PSD3: variants seen among roughly 807,000 people sequenced by gnomAD.
The protein encoded by PSD3 is PH and SEC7 domain-containing protein 3.
A neutral mutation model predicts 105.5 loss-of-function variants in PSD3; 49 were observed. The ratio of observed to expected loss-of-function variants is 0.46; its 90% CI spans 0.37 to 0.59. The LOEUF (loss-of-function observed/expected upper bound fraction) is 0.59, where lower values mean the gene tolerates loss of function less well. Ranked by LOEUF, PSD3 falls within the 20% of genes least tolerant of loss-of-function variation. The pLI, the probability that PSD3 is intolerant of heterozygous loss-of-function variation, is 0.00. For synonymous variants in PSD3, 557 were observed against 457.8 expected (o/e 1.22, Z -2.77); for missense variants, 1,561 against 1,263.8 (o/e 1.24, Z -3.57).
chr8:18,573,022 A>G (rs1802236846), intron 13 of PSD3, among the ~76,000 whole-genome samples: 1 of 152,220 alleles, frequency 6.6e-6, no homozygotes, highest in Non-Finnish European at 1.5e-5. Flanking sequence ...GTACTGTTTA[A>G]TTTTAAAATC....
At position 18,842,500 on chromosome 8, in the gene PSD3, G is replaced by A. The variant is rs541498349; in HGVS notation, c.1634+25174C>T. On this transcript the variant is annotated intron_variant, in intron 4 of 15. Transcript: ENST00000327040. ...TGTAATCCCAGCACTCGGGGAGTCC[G>A]AGGCGGGCGGATCACAAGGTCAGGA... Among the ~76,000 whole-genome samples the A allele has an allele frequency of 9.3e-4, 141 of 152,306 alleles. 1 individual carries two copies. Among genetic ancestry groups the A allele is most frequent in the Non-Finnish European group, 1.5e-3 (103 of 68,024 alleles).
chr8:18,964,270 C>A (rs1396167954), intron 1 of PSD3, among the ~76,000 whole-genome samples: 2 of 152,132 alleles, frequency 1.3e-5, no homozygotes, highest in African/African-American at 4.8e-5. Context: ...ACTACATGTG[C>A]CACCATGCCT....
At chr8:18,574,797 C>T (rs1002948572) in intron 13 of PSD3, among the ~76,000 whole-genome samples, 15 of 152,094 alleles carry the variant, frequency 9.9e-5, no homozygotes, top group Non-Finnish European at 2.1e-4. Context: ...GCTAGAGAAA[C>T]AGTGTTATCT....
upstream of PSD3, among the ~76,000 whole-genome samples, chr8:19,016,622 T>C (rs924734073): frequency 4.6e-5 from 7 of 152,218 alleles, no homozygotes. Flanking sequence ...GTAATAAACT[T>C]CCTAAAACAC....
chr8:18,548,735 T>C lies in PSD3; in HGVS notation c.2928+7474A>G, dbSNP rs533957181. Among the ~76,000 whole-genome samples the C allele has an allele frequency of 2.6e-5, 4 of 152,218 alleles. No individual in the cohort carries two copies. The South Asian group carries it at 6.2e-4, about 24-fold the overall frequency. On this transcript the variant is annotated intron_variant, in intron 15 of 15. Transcript: ENST00000327040. ...GTTTGCACTTGCTATCTGCAGTGCA[T>C]GCATTGGGAGCTGGCTTGGGGTGGG...
chr8:19,035,283 C>A (rs180706864), intron 1 of PSD3, among the ~76,000 whole-genome samples: 64 of 152,258 alleles, frequency 4.2e-4, no homozygotes, highest in African/African-American at 1.4e-3. Context: ...TTGATGGATA[C>A]AACCATTTCT....
chr8:18,848,888 G>A (rs1376383535), intron 4 of PSD3, among the ~76,000 whole-genome samples: 1 of 152,164 alleles, frequency 6.6e-6, no homozygotes, highest in Non-Finnish European at 1.5e-5. Flanking sequence ...ATACTTCTTG[G>A]TTCCCTCATG....
At chr8:18,927,827 T>C (rs969452661) in intron 2 of PSD3, among the ~76,000 whole-genome samples, 1 of 152,048 alleles carries the variant, frequency 6.6e-6, no homozygotes, top group African/African-American at 2.4e-5. Context: ...TTTTAGGAGG[T>C]GTATGCCAGG....
chr8:18,589,056 C>T (rs956339640), intron 12 of PSD3, among the ~76,000 whole-genome samples: 8 of 152,120 alleles, frequency 5.3e-5, no homozygotes, highest in African/African-American at 9.7e-5. Context: ...GGGGAAATGG[C>T]TGTGATATGT....
At chr8:19,073,072 T>C (rs1192345810) in intron 1 of PSD3, among the ~76,000 whole-genome samples, 2 of 152,240 alleles carry the variant, frequency 1.3e-5, no homozygotes, top group Non-Finnish European at 2.9e-5. Flanking sequence ...TTGATTTTTA[T>C]ACCTGCTATA....
chr8:18,585,801 C>T (rs1803135356), intron 12 of PSD3, among the ~76,000 whole-genome samples: 1 of 152,122 alleles, frequency 6.6e-6, no homozygotes, highest in Non-Finnish European at 1.5e-5. Context: ...ATCATTTCCC[C>T]TCATTTTACA....
intron 14 of PSD3, chr8:18,557,437 G>A (rs1426422667): frequency 6.5e-6 from 1 of 153,698 alleles, no homozygotes; most frequent in Non-Finnish European, 1.5e-5. Context: ...AACGTGTCCA[G>A]AAATTATGAG....
intron 1 of PSD3, among the ~76,000 whole-genome samples, chr8:19,025,936 A>G (rs1055018164): frequency 6.6e-6 from 1 of 152,216 alleles, no homozygotes; most frequent in Non-Finnish European, 1.5e-5. Flanking sequence ...TATAAAGGAA[A>G]GAGGTTTAAT....
chr8:18,808,601 T>G (rs774365646), intron 4 of PSD3, among the ~76,000 whole-genome samples: 2 of 152,184 alleles, frequency 1.3e-5, no homozygotes, highest in Non-Finnish European at 2.9e-5. Flanking sequence ...CAAAAAGGTT[T>G]CAGTAAAAGG....
At chr8:18,602,949 C>T (rs907506381) in intron 11 of PSD3, among the ~76,000 whole-genome samples, 4 of 152,042 alleles carry the variant, frequency 2.6e-5, no homozygotes, top group Admixed American at 6.6e-5. Context: ...CACAGAGGTC[C>T]GTAAAGAGTT....
intron 9 of PSD3, among the ~76,000 whole-genome samples, chr8:18,732,596 C>T (rs1243828058): frequency 3.9e-5 from 6 of 152,216 alleles, no homozygotes; most frequent in Non-Finnish European, 8.8e-5. Flanking sequence ...CTACACATGG[C>T]TTCTCCCTCC....
chr8:19,002,896 A>G (rs1489364513), intron 1 of PSD3, among the ~76,000 whole-genome samples: 2 of 152,018 alleles, frequency 1.3e-5, no homozygotes, highest in African/African-American at 4.8e-5. Context: ...CTAGGGTACA[A>G]GAAAGTCCAG....
intron 11 of PSD3, among the ~76,000 whole-genome samples, chr8:18,609,721 G>T (rs1422760872): frequency 6.6e-6 from 1 of 152,220 alleles, no homozygotes; most frequent in Non-Finnish European, 1.5e-5. Flanking sequence ...GATGTGCAAA[G>T]AATTTAAATA....
At chr8:18,808,703 T>A (rs1169920276) in intron 4 of PSD3, 2 of 1,611,764 alleles carry the variant, frequency 1.2e-6, no homozygotes, top group Admixed American at 3.3e-5. Context: ...AGAACCGGAA[T>A]TGCTCCTTTT....
Sources: allele counts gnomAD v4.1 joint callset (sites outside exome capture counted in the v4.1 genomes callset), GRCh38; gene constraint gnomAD v4.1.1; transcripts MANE v1.5; gene names NCBI Gene and HGNC (gene_info 2026-07-23, HGNC 2026-07-21).